Variants in TBCE observed in about 807,000 individuals in gnomAD.
TBCE encodes tubulin folding cofactor E.
TBCE carries 53 observed loss-of-function variants against 77.0 expected under a neutral mutation model. The ratio of observed to expected loss-of-function variants is 0.69; its 90% CI spans 0.55 to 0.87. The LOEUF (loss-of-function observed/expected upper bound fraction) is 0.87, where lower values mean the gene tolerates loss of function less well. TBCE is among the 40% of genes least tolerant of loss of function. The pLI is 0.00. For synonymous variants in TBCE, 235 were observed against 241.3 expected (o/e 0.97, Z 0.24); for missense variants, 624 against 622.4 (o/e 1.00, Z -0.03).
chr1:235,413,245 A>C (rs756048878), intron 3 of TBCE, among the ~76,000 whole-genome samples: 9 of 152,080 alleles, frequency 5.9e-5, no homozygotes, highest in Non-Finnish European at 1.3e-4. Flanking sequence ...CTGTAGTCCT[A>C]GCTACGTGGG....
At chr1:235,410,304 G>A (rs1327139574) in intron 3 of TBCE, among the ~76,000 whole-genome samples, 2 of 152,104 alleles carry the variant, frequency 1.3e-5, no homozygotes, top group African/African-American at 2.4e-5. Flanking sequence ...GAACAGTCCC[G>A]AGGACTGCTG....
chr1:235,382,264 A>G lies in TBCE; in HGVS notation c.100+2115A>G, dbSNP rs574749657. On this transcript the variant is annotated intron_variant, in intron 2 of 16. Transcript: ENST00000642610. ...AGTCTTTGCTATTGTGAATAGTGTCACAATAAACATACGTGTGCATGTGTC... is the reference window on the plus strand; with the variant it reads ...AGTCTTTGCTATTGTGAATAGTGTCGCAATAAACATACGTGTGCATGTGTC... 5.9e-3 allele frequency among the ~76,000 whole-genome samples: 893 copies of G among 151,968 alleles called. 7 individuals carry two copies. The highest frequency in any genetic ancestry group is 0.021 in the African/African-American group (861 of 41,428).
intron 2 of TBCE, among the ~76,000 whole-genome samples, chr1:235,392,654 G>A (rs557838694): frequency 2.0e-5 from 3 of 151,326 alleles, no homozygotes; most frequent in Non-Finnish European, 3.0e-5. Flanking sequence ...CAGGTGATCC[G>A]CCCACCTCAG....
At chr1:235,433,804 A>G (rs1020099813) in intron 7 of TBCE, 1 of 175,464 alleles carries the variant, frequency 5.7e-6, no homozygotes, top group African/African-American at 2.4e-5. Context: ...AAATTAGCAT[A>G]TCCTTTACAA....
chr1:235,403,268 G>A (rs776100604), intron 3 of TBCE, among the ~76,000 whole-genome samples: 49 of 151,906 alleles, frequency 3.2e-4, no homozygotes, highest in Non-Finnish European at 5.0e-4. Context: ...GTGCAGTGGC[G>A]TGATCTTGGC....
intron 5 of TBCE, among the ~76,000 whole-genome samples, chr1:235,424,330 T>TC (rs1270146414): frequency 1.3e-5 from 2 of 149,538 alleles, no homozygotes; most frequent in East Asian, 3.9e-4. Context: ...CTCTTTTTTT[T>TC]TTTTTTTTTT....
At chr1:235,394,976 A>T (rs1678640321) in intron 2 of TBCE, among the ~76,000 whole-genome samples, 1 of 152,192 alleles carries the variant, frequency 6.6e-6, no homozygotes, top group Admixed American at 6.6e-5. Context: ...AAGTGCTGGG[A>T]TCACAGGCAT....
At chr1:235,385,965 T>C (rs1677973459) in intron 2 of TBCE, among the ~76,000 whole-genome samples, 1 of 152,214 alleles carries the variant, frequency 6.6e-6, no homozygotes, top group Non-Finnish European at 1.5e-5. Flanking sequence ...CAGTTGTTCC[T>C]TTCCATGTTT....
chr1:235,413,778 C>G (rs546585577), intron 3 of TBCE: 1 of 147,996 alleles, frequency 6.8e-6, no homozygotes, highest in Non-Finnish European at 1.5e-5. Context: ...CAAGGTCTCT[C>G]TCTGTTACCA....
Position 235,448,814 on chromosome 1 carries a change from A to C in TBCE, c.*52A>C, listed in dbSNP as rs1354305421. 7.7e-7 allele frequency: 1 copy of C among 1,303,186 alleles called. No individual in the cohort carries two copies. The highest frequency in any genetic ancestry group is 1.7e-5 in the Admixed American group (1 of 59,130). The allele number at this position is 1,303,186 out of a possible 1,614,324, so 80.7% of individuals were successfully genotyped here. On this transcript the variant is annotated 3_prime_UTR_variant, in exon 17 of 17. Transcript: ENST00000642610. ...ACACTGCTTATCGTGTCTGGGGTTCACCGGAAATAAATGATTCACTGGAAC... is the reference window on the plus strand; with the variant it reads ...ACACTGCTTATCGTGTCTGGGGTTCCCCGGAAATAAATGATTCACTGGAAC...
In TBCE at chr1:235,401,498, G is replaced by A. The variant is rs113829976; in HGVS notation, c.101-5G>A. On this transcript the variant is annotated splice_region_variant and splice_polypyrimidine_tract_variant and intron_variant, in intron 2 of 16. Coordinates refer to ENST00000642610, the MANE Select transcript of TBCE (RefSeq NM_003193.5). Reference sequence around the variant, plus strand: ...TTACTCATTTGGTTTTTCTTGTTCTGCTAGGACCCTGGTTAGGAGTAGAAT... The same window carrying A: ...TTACTCATTTGGTTTTTCTTGTTCTACTAGGACCCTGGTTAGGAGTAGAAT... 1,236 of 1,613,384 alleles carry A rather than the reference G, an allele frequency of 7.7e-4. 12 individuals are homozygous for A. In the African/African-American group the frequency reaches 0.014, roughly 18 times the overall value.
At chr1:235,440,028 T>TG (rs1297226183) in intron 13 of TBCE, among the ~76,000 whole-genome samples, 1 of 152,092 alleles carries the variant, frequency 6.6e-6, no homozygotes, top group African/African-American at 2.4e-5. Context: ...TGGAGTGCAG[T>TG]GCCGCGATCT....
intron 11 of TBCE, 42 bp from the exon 12 acceptor site, chr1:235,437,280 G>T: frequency 6.2e-7 from 1 of 1,613,592 alleles, no homozygotes; most frequent in South Asian, 1.1e-5. Flanking sequence ...AAAGTGGCAT[G>T]AACGTACCGC....
At chr1:235,427,273 A>T (rs780238927) in intron 6 of TBCE, 34 bp downstream of exon 6, 1 of 1,465,836 alleles carries the variant, frequency 6.8e-7, no homozygotes, top group Non-Finnish European at 9.6e-7. Context: ...CTTCATTAAC[A>T]ATAAAGCTCA....
chr1:235,390,921 C>T (rs2102835398), intron 2 of TBCE, among the ~76,000 whole-genome samples: 1 of 152,192 alleles, frequency 6.6e-6, no homozygotes, highest in Middle Eastern at 3.4e-3. Context: ...AAACTTTCCT[C>T]ATATGATAAG....
chr1:235,450,095 A>T lies in TBCE; in HGVS notation c.*1333A>T. On this transcript the variant is annotated 3_prime_UTR_variant, in exon 17 of 17. Coordinates refer to ENST00000642610, the MANE Select transcript of TBCE (RefSeq NM_003193.5). ...TTCTGGGTGAAAGTGCCAGTCTGGA[A>T]CTCTCTTGAAAGACCATACAGTCTA... 7.5e-7 allele frequency: 1 copy of T among 1,329,582 alleles called. No homozygotes were observed. Among genetic ancestry groups the T allele is most frequent in the Non-Finnish European group, 1.0e-6 (1 of 954,836 alleles). The allele number at this position is 1,329,582 out of a possible 1,614,324, so 82.4% of individuals were successfully genotyped here.
intron 15 of TBCE, among the ~76,000 whole-genome samples, chr1:235,443,547 A>G (rs1193246184): frequency 1.3e-5 from 2 of 152,150 alleles, no homozygotes; most frequent in Non-Finnish European, 2.9e-5. Flanking sequence ...CTTGAATGGC[A>G]TAGCCTTTTG....
intron 5 of TBCE, among the ~76,000 whole-genome samples, chr1:235,424,507 T>TG (rs1339322983): frequency 6.6e-6 from 1 of 151,322 alleles, no homozygotes; most frequent in Non-Finnish European, 1.5e-5. Flanking sequence ...TTTTTGTTTT[T>TG]TTTTTTTCTT....
intron 13 of TBCE, among the ~76,000 whole-genome samples, chr1:235,439,805 CT>C (rs886839704): frequency 1.6e-4 from 24 of 150,324 alleles, no homozygotes; most frequent in African/African-American, 4.6e-4. Flanking sequence ...ATTTCTTTTT[CT>C]TTTTTTTTCT....
Sources: gnomAD v4.1 joint callset for allele counts (sites outside exome capture counted in the v4.1 genomes callset) on GRCh38, gnomAD v4.1.1 for gene constraint, MANE v1.5 for transcripts, NCBI Gene and HGNC (gene_info 2026-07-23, HGNC 2026-07-21) for gene names.